CCDC91: variants seen among roughly 807,000 people sequenced by gnomAD.
CCDC91 encodes the protein coiled-coil domain-containing protein 91.
In CCDC91, 48 loss-of-function variants were observed where a neutral mutation model predicts 63.2. The observed-to-expected ratio is 0.76, with a 90% CI of 0.60 to 0.97. CCDC91 has a LOEUF of 0.97. Ranked by LOEUF, CCDC91 falls within the 50% of genes least tolerant of loss-of-function variation. The probability of loss-of-function intolerance (pLI) is 0.00; values close to 1 mark genes in which losing one functional copy is unlikely to be tolerated. For synonymous variants in CCDC91, 167 were observed against 165.8 expected (o/e 1.01, Z -0.06); for missense variants, 500 against 494.6 (o/e 1.01, Z -0.10).
intron 3 of CCDC91, among the ~76,000 whole-genome samples, chr12:28,266,399 A>G (rs1947189427): frequency 6.6e-6 from 1 of 152,004 alleles, no homozygotes; most frequent in Non-Finnish European, 1.5e-5. Context: ...GAGATTTTGA[A>G]TTCTCAGTTT....
intron 11 of CCDC91, among the ~76,000 whole-genome samples, chr12:28,458,025 C>T (rs979550968): frequency 6.6e-6 from 1 of 151,970 alleles, no homozygotes; most frequent in African/African-American, 2.4e-5. Context: ...GTTATGTTTT[C>T]CCGAGAAGCC....
At chr12:28,330,301 C>A (rs943945201) in intron 6 of CCDC91, among the ~76,000 whole-genome samples, 1 of 152,012 alleles carries the variant, frequency 6.6e-6, no homozygotes, top group Admixed American at 6.6e-5. Flanking sequence ...TTTTAATGAT[C>A]GCCATTCTAA....
At chr12:28,223,610 T>C (rs1048388751) in intron 1 of CCDC91, among the ~76,000 whole-genome samples, 2 of 152,214 alleles carry the variant, frequency 1.3e-5, no homozygotes, top group Non-Finnish European at 2.9e-5. Context: ...CTCAATATTT[T>C]ATATCTGATG....
chr12:28,209,941 C>T (rs1943116320), intron 1 of CCDC91, among the ~76,000 whole-genome samples: 1 of 152,104 alleles, frequency 6.6e-6, no homozygotes, highest in Admixed American at 6.5e-5. Context: ...TAATTCTTAG[C>T]AACTTTCACT....
intron 3 of CCDC91, chr12:28,302,743 G>A: frequency 3.3e-6 from 2 of 597,456 alleles, no homozygotes; most frequent in Non-Finnish European, 4.2e-6. Flanking sequence ...AGCAAAGCAG[G>A]TTTATTTAAG....
At chr12:28,474,870 C>A (rs1482102296) in intron 11 of CCDC91, among the ~76,000 whole-genome samples, 1 of 152,030 alleles carries the variant, frequency 6.6e-6, no homozygotes, top group Non-Finnish European at 1.5e-5. Context: ...AAGAAACTCA[C>A]TCAAAACTGC....
chr12:28,483,624 T>C (rs1194458497), intron 11 of CCDC91, among the ~76,000 whole-genome samples: 1 of 152,092 alleles, frequency 6.6e-6, no homozygotes, highest in African/African-American at 2.4e-5. Context: ...ATCTTACCAC[T>C]CAGACCACAC....
At chr12:28,542,098 A>C (rs1329620192) in intron 12 of CCDC91, among the ~76,000 whole-genome samples, 1 of 152,088 alleles carries the variant, frequency 6.6e-6, no homozygotes, top group African/African-American at 2.4e-5. Context: ...AAATTCATTA[A>C]ACTTTACATA....
At chr12:28,522,461 T>A (rs1940797942) in intron 12 of CCDC91, among the ~76,000 whole-genome samples, 2 of 152,210 alleles carry the variant, frequency 1.3e-5, no homozygotes, top group African/African-American at 4.8e-5. Context: ...GATTCTTCTC[T>A]CTTTTCTTCT....
intron 8 of CCDC91, among the ~76,000 whole-genome samples, chr12:28,418,122 T>C (rs1244806402): frequency 6.6e-6 from 1 of 152,082 alleles, no homozygotes; most frequent in East Asian, 1.9e-4. Context: ...CATGTTTAAT[T>C]TGATAAAGTG....
intron 6 of CCDC91, among the ~76,000 whole-genome samples, chr12:28,331,691 A>ATAGTAAGCATGCTT (rs1941527236): frequency 6.6e-6 from 1 of 152,138 alleles, no homozygotes; most frequent in African/African-American, 2.4e-5. Context: ...TAGTAAGCAT[A>ATAGTAAGCATGCTT]TAGTAAGCAT....
chr12:28,543,484 G>A (rs1283522827), intron 12 of CCDC91, among the ~76,000 whole-genome samples: 2 of 152,010 alleles, frequency 1.3e-5, no homozygotes, highest in Non-Finnish European at 2.9e-5. Flanking sequence ...AGAAAAGAGC[G>A]ATGGGGAAGG....
intron 12 of CCDC91, among the ~76,000 whole-genome samples, chr12:28,515,378 G>A (rs1342484745): frequency 6.6e-6 from 1 of 151,702 alleles, no homozygotes; most frequent in Non-Finnish European, 1.5e-5. Context: ...TTCTCCCTTG[G>A]ATCTTGTAAA....
At chr12:28,230,922 G>A (rs1226145153) in intron 1 of CCDC91, among the ~76,000 whole-genome samples, 2 of 152,166 alleles carry the variant, frequency 1.3e-5, no homozygotes, top group African/African-American at 4.8e-5. Context: ...ACTGTACCTG[G>A]CCTTTATGCC....
At chr12:28,218,175 T>G (rs1943691132) in intron 1 of CCDC91, among the ~76,000 whole-genome samples, 2 of 152,134 alleles carry the variant, frequency 1.3e-5, no homozygotes, top group South Asian at 4.1e-4. Flanking sequence ...CTTTCCCCTT[T>G]TGATTTTGGT....
chr12:28,484,448 G>A lies in CCDC91; in HGVS notation c.1215+283G>A, dbSNP rs1004342068. 2.0e-5 allele frequency among the ~76,000 whole-genome samples: 3 copies of A among 152,008 alleles called. No homozygotes were observed. The South Asian group carries it at 6.2e-4, about 31-fold the overall frequency. ...GCTTTACTTACAAAGATAATAGACA[G>A]TTCTACATTTTTAGTCTTTTGCCAT... On this transcript the variant is annotated intron_variant, in intron 12 of 12. Transcript: ENST00000536442.
Position 28,356,970 on chromosome 12 carries a change from C to T in CCDC91, c.577-5468C>T, listed in dbSNP as rs566509917. Reference sequence around the variant, plus strand: ...AATTAAATGCTGACTTTTAGCCATCCGTGTAGCAGAGGATCCTGTTGCTAT... The same window carrying T: ...AATTAAATGCTGACTTTTAGCCATCTGTGTAGCAGAGGATCCTGTTGCTAT... On this transcript the variant is annotated intron_variant, in intron 6 of 12. Transcript: ENST00000536442. 7.2e-5 allele frequency among the ~76,000 whole-genome samples: 11 copies of T among 152,178 alleles called. No homozygotes were observed. The East Asian group carries it at 1.7e-3, about 24-fold the overall frequency.
chr12:28,443,014 A>T (rs918357888), intron 8 of CCDC91, among the ~76,000 whole-genome samples: 10 of 151,950 alleles, frequency 6.6e-5, no homozygotes, highest in Admixed American at 2.6e-4. Flanking sequence ...CTGTATATGG[A>T]TTGTATGTTA....
intron 3 of CCDC91, among the ~76,000 whole-genome samples, chr12:28,293,287 G>A (rs1209020537): frequency 6.6e-6 from 1 of 152,094 alleles, no homozygotes; most frequent in African/African-American, 2.4e-5. Flanking sequence ...TGCAAATTGT[G>A]GCAAGCTTTA....
Sources: gnomAD v4.1 joint callset for allele counts (sites outside exome capture counted in the v4.1 genomes callset) on GRCh38, gnomAD v4.1.1 for gene constraint, MANE v1.5 for transcripts, NCBI Gene and HGNC (gene_info 2026-07-23, HGNC 2026-07-21) for gene names.